ZNF654: variants seen among roughly 807,000 people sequenced by gnomAD.
The protein encoded by ZNF654 is melanoma-associated antigen.
ZNF654 carries 19 observed loss-of-function variants against 95.3 expected under a neutral mutation model. That is an observed-to-expected ratio of 0.20 (90% CI 0.14 to 0.29). The LOEUF (loss-of-function observed/expected upper bound fraction) is 0.29, where lower values mean the gene tolerates loss of function less well. Ranked by LOEUF, ZNF654 falls within the 10% of genes least tolerant of loss-of-function variation. ZNF654 has a pLI of 1.00. For synonymous variants in ZNF654, 413 were observed against 457.9 expected, an observed-to-expected ratio of 0.90 and a Z score of 1.25; for missense variants, 1,046 against 1,341.0, an observed-to-expected ratio of 0.78 and a Z score of 3.44.
intron 2 of ZNF654, among the ~76,000 whole-genome samples, chr3:88,103,919 C>T (rs1400227984): frequency 6.6e-6 from 1 of 151,688 alleles, no homozygotes; most frequent in Non-Finnish European, 1.5e-5. Flanking sequence ...GGTGCCCGCC[C>T]CTATGCCTGG....
chr3:88,104,023 T>C (rs1262165985), intron 2 of ZNF654, among the ~76,000 whole-genome samples: 1 of 151,970 alleles, frequency 6.6e-6, no homozygotes, highest in Non-Finnish European at 1.5e-5. Flanking sequence ...CGGCCTCTGC[T>C]GGGATTACAG....
At chr3:88,109,141 TA>T (rs1441355966) in intron 2 of ZNF654, among the ~76,000 whole-genome samples, 1 of 62,390 alleles carries the variant, frequency 1.6e-5, no homozygotes, top group Non-Finnish European at 4.0e-5. Flanking sequence ...AAGTGGGCAC[TA>T]GTGTGTGTGT....
chr3:88,082,317 G>T (rs185556267), intron 1 of ZNF654, among the ~76,000 whole-genome samples: 38 of 152,176 alleles, frequency 2.5e-4, no homozygotes, highest in Non-Finnish European at 5.0e-4. Flanking sequence ...AGTAGTGACA[G>T]GGTTTCACCA....
At chr3:88,123,328 G>A (rs1705895044) in intron 3 of ZNF654, among the ~76,000 whole-genome samples, 1 of 152,084 alleles carries the variant, frequency 6.6e-6, no homozygotes, top group Admixed American at 6.5e-5. Flanking sequence ...CCCACGAAGT[G>A]TACATACACA....
At chr3:88,099,711 C>A (rs1280815005) in intron 2 of ZNF654, among the ~76,000 whole-genome samples, 2 of 152,146 alleles carry the variant, frequency 1.3e-5, no homozygotes, top group Admixed American at 1.3e-4. Flanking sequence ...CTGACAAAAA[C>A]AAGAAATGGA....
rs765491047 is a variant in ZNF654 at position 88,087,452 on chromosome 3, T to C, written c.332+1050T>C. 4.5e-4 allele frequency among the ~76,000 whole-genome samples: 69 copies of C among 152,184 alleles called. 1 individual carries two copies. The highest frequency in any genetic ancestry group is 2.1e-4 in the Non-Finnish European group (14 of 68,026). On this transcript the variant is annotated intron_variant, in intron 2 of 8. Transcript: ENST00000636215. ...AAAACTGAACATTTGTGATTATGCC[T>C]TCTGCCCTCCTAAGAACCCACTAAA...
chr3:88,140,190 A>G lies in ZNF654; in HGVS notation c.2521A>G (p.Ile841Val), dbSNP rs1367391924. 2 of 1,613,718 alleles carry G rather than the reference A, an allele frequency of 1.2e-6. No homozygotes were observed. The highest frequency in any genetic ancestry group is 2.7e-5 in the African/African-American group (2 of 74,908). Reference sequence around the variant, plus strand: ...TGCCCAGCACACAAAAAGTCACAGGATATTTCAGGCTCAGTGTAGTTTTCC... The same window carrying G: ...TGCCCAGCACACAAAAAGTCACAGGGTATTTCAGGCTCAGTGTAGTTTTCC... Reference protein sequence around the residue: ...QLAQHTKSHRIFQAQCSFPEC... With the variant: ...QLAQHTKSHRVFQAQCSFPEC... Residue 841 changes from isoleucine to valine, a missense_variant, in exon 8 of 9, where the codon ATA becomes GTA. Ile to Val is a conservative substitution (Grantham distance 29, BLOSUM62 3). Coordinates refer to ENST00000636215, the MANE Select transcript of ZNF654 (RefSeq NM_001350134.2).
intron 1 of ZNF654, among the ~76,000 whole-genome samples, chr3:88,059,922 C>A (rs1228153076): frequency 6.6e-6 from 1 of 152,048 alleles, no homozygotes; most frequent in Non-Finnish European, 1.5e-5. Flanking sequence ...GATTGCCCCC[C>A]GTGTTCTCCC....
chr3:88,075,006 T>G (rs1707721541), intron 1 of ZNF654, among the ~76,000 whole-genome samples: 1 of 152,186 alleles, frequency 6.6e-6, no homozygotes, highest in South Asian at 2.1e-4. Context: ...ACCCTGACCA[T>G]TTCCTCCTTC....
rs1274585870 is a variant in ZNF654, at chr3:88,143,789, T to C, written c.*2137T>C. 1 of 152,008 alleles carries C rather than the reference T, an allele frequency of 6.6e-6. No individual in the cohort carries two copies. Among genetic ancestry groups the C allele is most frequent in the African/African-American group, 2.4e-5 (1 of 41,444 alleles). 9.4% of individuals were successfully genotyped at this position (152,008 alleles called of 1,614,324 possible). ...GTTTATATATAACTAAATCAAGGAA[T>C]GTTTTATAAAATTCTATTTGACCAC... On this transcript the variant is annotated 3_prime_UTR_variant, in exon 9 of 9. Coordinates refer to ENST00000636215, the MANE Select transcript of ZNF654 (RefSeq NM_001350134.2).
intron 3 of ZNF654, 129 bp from the exon 4 acceptor site, chr3:88,126,005 A>T: frequency 1.0e-6 from 1 of 998,238 alleles, no homozygotes; most frequent in Non-Finnish European, 1.4e-6. Context: ...AGGTTACAAT[A>T]GTAACCCTTT....
At chr3:88,137,751 G>A in intron 7 of ZNF654, among the ~76,000 whole-genome samples, 1 of 152,094 alleles carries the variant, frequency 6.6e-6, no homozygotes, top group Admixed American at 6.6e-5. Flanking sequence ...GTGAAAATCG[G>A]ATGTGCCAAG....
In ZNF654 at chr3:88,101,346, A is replaced by G. The variant is rs188411017; in HGVS notation, c.333-11769A>G. Among the ~76,000 whole-genome samples the G allele has an allele frequency of 1.4e-4, 22 of 152,274 alleles. No homozygotes were observed. In the East Asian group the frequency reaches 4.2e-3, roughly 29 times the overall value. On this transcript the variant is annotated intron_variant, in intron 2 of 8. Transcript: ENST00000636215. The stretch of plus-strand genomic sequence containing the variant: ...CTATCTCTATAGAGTTGCTATTTCT[A>G]GACATTTCATATAAATGATATCATA...
At chr3:88,138,658 T>C (rs1706949558) in intron 7 of ZNF654, 47 bp from the exon 8 acceptor site, 1 of 1,155,028 alleles carries the variant, frequency 8.7e-7, no homozygotes, top group Non-Finnish European at 1.1e-6. Context: ...AGTATAACCA[T>C]TTTTTTGGAA....
Position 88,139,073 on chromosome 3 carries a change from A to G in ZNF654, c.1404A>G (p.Lys468=). The G allele has an allele frequency of 7.9e-7, 1 of 1,266,150 alleles. No homozygotes were observed. Among genetic ancestry groups the G allele is most frequent in the South Asian group, 3.5e-5 (1 of 28,430 alleles). The allele number at this position is 1,266,150 out of a possible 1,614,324, so 78.4% of individuals were successfully genotyped here. Residue 468 remains lysine, a synonymous_variant, in exon 8 of 9, where the codon AAA becomes AAG. Transcript: ENST00000636215. ...ACTGTGTAGCATTATTGAGTGATAA[A>G]TCAGCAGTTAGATTTCTAAATGAAA... ...KKNCVALLSD[K]SAVRFLNEST...
chr3:88,091,126 A>G (rs1310748732), intron 2 of ZNF654, among the ~76,000 whole-genome samples: 1 of 152,202 alleles, frequency 6.6e-6, no homozygotes, highest in African/African-American at 2.4e-5. Flanking sequence ...GTGTATGTAC[A>G]TTAAGTGATG....
intron 2 of ZNF654, among the ~76,000 whole-genome samples, chr3:88,097,069 C>T (rs968766721): frequency 1.3e-5 from 2 of 152,092 alleles, no homozygotes; most frequent in African/African-American, 4.8e-5. Flanking sequence ...TAACCAGCCC[C>T]TTACTAATGG....
At chr3:88,084,930 C>T (rs1708259580) in intron 1 of ZNF654, among the ~76,000 whole-genome samples, 1 of 152,186 alleles carries the variant, frequency 6.6e-6, no homozygotes. Flanking sequence ...TCTACAAGCA[C>T]ATCTGCCTGA....
intron 1 of ZNF654, among the ~76,000 whole-genome samples, chr3:88,080,279 A>G (rs1293995506): frequency 6.6e-6 from 1 of 152,148 alleles, no homozygotes; most frequent in African/African-American, 2.4e-5. Context: ...ACTTGGAAAC[A>G]TAATGAACCA....
Sources: gnomAD v4.1 joint callset for allele counts (sites outside exome capture counted in the v4.1 genomes callset) on GRCh38, gnomAD v4.1.1 for gene constraint, MANE v1.5 for transcripts, NCBI Gene and HGNC (gene_info 2026-07-23, HGNC 2026-07-21) for gene names.